The following BMPER variants were observed in gnomAD, a reference collection of about 807,000 sequenced individuals.
The protein encoded by BMPER is BMP-binding endothelial regulator protein.
Under a neutral mutation model 87.3 loss-of-function variants are expected in BMPER, and 45 were observed. The observed-to-expected ratio is 0.52, with a 90% confidence interval of 0.41 to 0.66. The LOEUF is 0.66. BMPER is among the 30% of genes least tolerant of loss of function. The pLI, the probability that BMPER is intolerant of heterozygous loss-of-function variation, is 0.00. For missense variants in BMPER, 784 were observed against 867.5 expected, an observed-to-expected ratio of 0.90 and a Z score of 1.21; for synonymous variants, 326 against 316.2, an observed-to-expected ratio of 1.03 and a Z score of -0.33.
intron 6 of BMPER, among the ~76,000 whole-genome samples, chr7:34,041,546 C>A (rs1479112162): frequency 6.6e-6 from 1 of 152,128 alleles, no homozygotes; most frequent in Admixed American, 6.6e-5. Flanking sequence ...CAGTTCTAGG[C>A]CAAAGTAAGG....
At chr7:34,139,373 A>G (rs532944900) in intron 13 of BMPER, among the ~76,000 whole-genome samples, 1 of 152,342 alleles carries the variant, frequency 6.6e-6, no homozygotes, top group East Asian at 1.9e-4. Flanking sequence ...ATTTACTCCC[A>G]TTCTTTACTT....
intron 6 of BMPER, among the ~76,000 whole-genome samples, chr7:34,002,894 T>G (rs189992306): frequency 6.6e-6 from 1 of 151,880 alleles, no homozygotes; most frequent in African/African-American, 2.4e-5. Flanking sequence ...ACTTACTTGT[T>G]TCTTTGAATC....
At chr7:33,922,447 C>T (rs1000136621) in intron 2 of BMPER, among the ~76,000 whole-genome samples, 1 of 152,206 alleles carries the variant, frequency 6.6e-6, no homozygotes, top group Non-Finnish European at 1.5e-5. Flanking sequence ...GGCAGTTAGA[C>T]ATTTGCAGGG....
chr7:34,076,783 C>T (rs1788875793), intron 11 of BMPER, among the ~76,000 whole-genome samples: 1 of 152,102 alleles, frequency 6.6e-6, no homozygotes, highest in Non-Finnish European at 1.5e-5. Flanking sequence ...AAGATTGCCA[C>T]AGGAGAGTGT....
At chr7:34,114,302 G>A (rs1284543780) in intron 13 of BMPER, among the ~76,000 whole-genome samples, 1 of 152,130 alleles carries the variant, frequency 6.6e-6, no homozygotes, top group African/African-American at 2.4e-5. Flanking sequence ...TTTGGCCCTG[G>A]CTGTGTTCAA....
At chr7:34,045,022 G>C (rs1230158635) in intron 6 of BMPER, among the ~76,000 whole-genome samples, 1 of 152,152 alleles carries the variant, frequency 6.6e-6, no homozygotes, top group African/African-American at 2.4e-5. Flanking sequence ...TCTTTCCCTT[G>C]TGGGGTCCAC....
At chr7:34,083,398 T>G (rs547643477) in intron 12 of BMPER, among the ~76,000 whole-genome samples, 1 of 152,206 alleles carries the variant, frequency 6.6e-6, no homozygotes, top group East Asian at 1.9e-4. Context: ...CTCTTTCTTC[T>G]TTATCTAAGT....
chr7:34,081,846 A>G (rs1789057414), intron 12 of BMPER, among the ~76,000 whole-genome samples: 1 of 152,124 alleles, frequency 6.6e-6, no homozygotes, highest in South Asian at 2.1e-4. Context: ...AAACCTCACT[A>G]TGGTATAGCT....
intron 6 of BMPER, among the ~76,000 whole-genome samples, chr7:34,042,151 C>A (rs892883661): frequency 6.6e-6 from 1 of 152,142 alleles, no homozygotes; most frequent in African/African-American, 2.4e-5. Flanking sequence ...TTAATGGAAT[C>A]ATCTAAAACA....
chr7:34,054,947 G>T (rs554221652), intron 8 of BMPER, among the ~76,000 whole-genome samples: 2 of 152,136 alleles, frequency 1.3e-5, no homozygotes, highest in Admixed American at 6.5e-5. Context: ...TAGGGGTTAC[G>T]TGCCATAGTT....
At chr7:33,943,567 TCA>T (rs1784815647) in intron 3 of BMPER, among the ~76,000 whole-genome samples, 1 of 152,176 alleles carries the variant, frequency 6.6e-6, no homozygotes, top group Admixed American at 6.5e-5. Flanking sequence ...GACCTAGAAA[TCA>T]CAGTGTTGGG....
Position 33,970,244 on chromosome 7 carries a change from A to G in BMPER, c.403-85A>G, listed in dbSNP as rs763567344. The G allele has an allele frequency of 1.4e-4, 192 of 1,365,158 alleles. 3 individuals carry two copies. The South Asian group carries it at 2.1e-3, about 15-fold the overall frequency. The allele number at this position is 1,365,158 out of a possible 1,614,324, so 84.6% of individuals were successfully genotyped here. ...AACCTTGTGGTTTTTGTGCTTGAGC[A>G]CTTCTCCTACTTAGGTCACTTTCCA... On this transcript the variant is annotated intron_variant, in intron 4 of 14. Coordinates refer to ENST00000649409, the MANE Select transcript of BMPER (RefSeq NM_001365308.1).
intron 6 of BMPER, among the ~76,000 whole-genome samples, chr7:33,981,251 A>G (rs1562666999): frequency 6.6e-6 from 1 of 152,148 alleles, no homozygotes. Context: ...GCTGTTCCAC[A>G]TGATCCCAGA....
intron 13 of BMPER, among the ~76,000 whole-genome samples, chr7:34,121,972 A>T (rs1271450035): frequency 1.6e-5 from 2 of 122,810 alleles, no homozygotes; most frequent in Non-Finnish European, 3.6e-5. Context: ...TTTTTTTTTT[A>T]ATTAGCTGGG....
chr7:34,068,640 T>A (rs1268145014), intron 11 of BMPER, among the ~76,000 whole-genome samples: 2 of 152,242 alleles, frequency 1.3e-5, no homozygotes, highest in Non-Finnish European at 2.9e-5. Context: ...TTTTTTCTCG[T>A]GGTAATTCAA....
At chr7:34,029,003 A>G (rs1289516599) in intron 6 of BMPER, among the ~76,000 whole-genome samples, 1 of 152,100 alleles carries the variant, frequency 6.6e-6, no homozygotes, top group East Asian at 1.9e-4. Context: ...GAATATTGTC[A>G]TCATGGAATA....
At chr7:34,098,332 C>T (rs1789585891) in intron 13 of BMPER, among the ~76,000 whole-genome samples, 1 of 152,054 alleles carries the variant, frequency 6.6e-6, no homozygotes, top group South Asian at 2.1e-4. Flanking sequence ...GGGAGAGGCC[C>T]AGAGCCAGGA....
At position 33,955,124 on chromosome 7, in the gene BMPER, C is replaced by T. The variant is rs190113478; in HGVS notation, c.320-11355C>T. Among the ~76,000 whole-genome samples, 4 of 152,120 alleles carry T rather than the reference C, an allele frequency of 2.6e-5. No individual in the cohort carries two copies. In the South Asian group the frequency reaches 6.2e-4, roughly 24 times the overall value. On this transcript the variant is annotated intron_variant, in intron 3 of 14. Transcript: ENST00000649409. Reference sequence around the variant, plus strand: ...GTTGGTCAGGCTGGTCTCAAACTCTCGATCTCAGGTGATTTGCCTACCTCA... The same window carrying T: ...GTTGGTCAGGCTGGTCTCAAACTCTTGATCTCAGGTGATTTGCCTACCTCA...
intron 6 of BMPER, among the ~76,000 whole-genome samples, chr7:34,002,459 A>G (rs1477973792): frequency 2.0e-5 from 3 of 151,772 alleles, no homozygotes; most frequent in African/African-American, 7.2e-5. Flanking sequence ...ATGCATTTTT[A>G]ATGATTTTCA....
Sources: gnomAD v4.1 joint callset for allele counts (sites outside exome capture counted in the v4.1 genomes callset) on GRCh38, gnomAD v4.1.1 for gene constraint, MANE v1.5 for transcripts, NCBI Gene and HGNC (gene_info 2026-07-23, HGNC 2026-07-21) for gene names.